ZNF436: variants seen among roughly 807,000 people sequenced by gnomAD.
ZNF436 encodes zinc finger protein 436, also known as DNA-binding protein.
A neutral mutation model predicts 41.9 loss-of-function variants in ZNF436; 22 were observed. The observed-to-expected ratio is 0.53, with a 90% CI of 0.38 to 0.75. The LOEUF (loss-of-function observed/expected upper bound fraction) is 0.75. ZNF436 is among the 30% of genes least tolerant of loss of function. The probability of loss-of-function intolerance (pLI) is 0.00; values close to 1 mark genes in which losing one functional copy is unlikely to be tolerated. For missense variants in ZNF436, 506 were observed against 587.3 expected, an observed-to-expected ratio of 0.86 and a Z score of 1.43; for synonymous variants, 217 against 197.8, an observed-to-expected ratio of 1.10 and a Z score of -0.82.
At chr1:23,364,848 G>A (rs972506259) in intron 3 of ZNF436, among the ~76,000 whole-genome samples, 3 of 152,154 alleles carry the variant, frequency 2.0e-5, no homozygotes, top group African/African-American at 4.8e-5. Context: ...ATGTATTTTG[G>A]GAGAAAAGGG....
At position 23,362,960 on chromosome 1, in the gene ZNF436, G is replaced by A; in HGVS notation, c.422C>T (p.Ser141Phe). The A allele has an allele frequency of 3.7e-6, 6 of 1,614,172 alleles. No individual in the cohort carries two copies. Among genetic ancestry groups the A allele is most frequent in the Non-Finnish European group, 5.1e-6 (6 of 1,180,032 alleles). ...VHTGIRYHIC[S>F]HCGKAFSQIS... Reference sequence around the variant, plus strand: ...CTGACTGAAGGCCTTTCCACAATGAGAACATATATGATAGCGGATGCCTGT... The same window carrying A: ...CTGACTGAAGGCCTTTCCACAATGAAAACATATATGATAGCGGATGCCTGT... Residue 141 changes from serine (S) to phenylalanine (F), a missense_variant, in exon 4 of 4, where the codon TCT becomes TTT. By Grantham distance (155) the Ser-to-Phe change is radical. Transcript: ENST00000314011.
rs764080644 is a variant in ZNF436 at position 23,368,045 on chromosome 1, A to T, written c.-40T>A. 1.1e-5 allele frequency: 17 copies of T among 1,612,616 alleles called. No homozygotes were observed. The highest frequency in any genetic ancestry group is 1.1e-5 in the Non-Finnish European group (13 of 1,179,034). On this transcript the variant is annotated 5_prime_UTR_variant, in exon 2 of 4. Transcript: ENST00000314011. ...TTCGCCTCCAGGGAGAGAGAGCAGG[A>T]AAAGCAGCTAGCAGACAGCGCTGAA...
intron 3 of ZNF436, 64 bp downstream of exon 3, chr1:23,366,978 A>G (rs752672025): frequency 8.9e-6 from 14 of 1,570,738 alleles, no homozygotes; most frequent in Non-Finnish European, 1.2e-5. Flanking sequence ...GTGTTGAAAG[A>G]ACTAAGTCAT....
In ZNF436 at chr1:23,362,074, ATG is replaced by A; in HGVS notation, c.1306_1307del (p.His436SerfsTer11). ...GFTQSSNLIT[H>X]QRVHTGEKPY... ...GTTTCTCTCCCGTGTGAACTCTTTG[ATG>A]TGTGATGAGGTTGGAGCTCTGGGTG... On this transcript the variant is annotated frameshift_variant, in exon 4 of 4. Transcript: ENST00000314011. LOFTEE classifies it high-confidence loss of function. 1 of 1,614,114 alleles carries A rather than the reference ATG, an allele frequency of 6.2e-7. No individual in the cohort carries two copies. The highest frequency in any genetic ancestry group is 8.5e-7 in the Non-Finnish European group (1 of 1,180,010).
At chr1:23,367,780 A>G (rs566882075) in intron 2 of ZNF436, among the ~76,000 whole-genome samples, 193 bp downstream of exon 2, 15 of 152,288 alleles carry the variant, frequency 9.8e-5, no homozygotes, top group Admixed American at 4.6e-4. Flanking sequence ...CCAGTATTTA[A>G]AGGCATACAG....
chr1:23,366,981 T>TA, intron 3 of ZNF436, 61 bp downstream of exon 3: 1 of 1,573,648 alleles, frequency 6.4e-7, no homozygotes. Context: ...TTGAAAGAAC[T>TA]AAGTCATTTT....
Position 23,361,509 on chromosome 1 carries a change from GTGCCC to G in ZNF436, c.*455_*459del. 6.5e-6 allele frequency: 1 copy of G among 154,380 alleles called. No homozygotes were observed. The highest frequency in any genetic ancestry group is 1.4e-5 in the Non-Finnish European group (1 of 69,326). The allele number at this position is 154,380 out of a possible 1,614,324, so 9.6% of individuals were successfully genotyped here. On this transcript the variant is annotated 3_prime_UTR_variant, in exon 4 of 4. Coordinates refer to ENST00000314011, the MANE Select transcript of ZNF436 (RefSeq NM_001077195.2). ...AAGCCCTTTGGAAGGGAAGATGTGT[GTGCCC>G]AACTACTATGGTGTGTGAATAGGTG... is the stretch of plus-strand genomic sequence containing the variant.
rs191045670 is a variant in ZNF436, at chr1:23,369,097, C to G, written c.-61+269G>C. On this transcript the variant is annotated intron_variant, in intron 1 of 3. Transcript: ENST00000314011. ...GAGCGGCGGGCTGAGTGGCGTCCAG[C>G]GGCGGGGAGGCGAAAACCCTGGGGG... 4.9e-3 allele frequency: 1,178 copies of G among 242,470 alleles called. 14 individuals are homozygous for G. The highest frequency in any genetic ancestry group is 0.024 in the African/African-American group (1,038 of 43,534). The allele number at this position is 242,470 out of a possible 1,614,324, so 15.0% of individuals were successfully genotyped here. A position where few individuals can be genotyped will look rare whatever the true frequency, so the allele number is the denominator to read the frequency against.
intron 1 of ZNF436, chr1:23,368,489 C>G (rs1037558457): frequency 6.3e-6 from 1 of 158,204 alleles, no homozygotes; most frequent in African/African-American, 2.4e-5. Flanking sequence ...GCCTCTAGTG[C>G]GCCTGTGCCT....
chr1:23,366,725 G>A (rs539670535), intron 3 of ZNF436, among the ~76,000 whole-genome samples: 4 of 152,298 alleles, frequency 2.6e-5, no homozygotes, highest in African/African-American at 7.2e-5. Flanking sequence ...CACTAGTTAC[G>A]GGGCATTTAT....
rs756056483 is a variant in ZNF436 at position 23,367,954 on chromosome 1, G to C, written c.33+19C>G. The C allele has an allele frequency of 6.2e-7, 1 of 1,613,978 alleles. No individual in the cohort carries two copies. Among genetic ancestry groups the C allele is most frequent in the Non-Finnish European group, 8.5e-7 (1 of 1,179,932 alleles). ...GTGGGTAAGCAGAGACAAGGTCTGAGAAGCCACCTCCGGCTTACCTGGGAC... is the reference window on the plus strand; with the variant it reads ...GTGGGTAAGCAGAGACAAGGTCTGACAAGCCACCTCCGGCTTACCTGGGAC... On this transcript the variant is annotated intron_variant, in intron 2 of 3. Transcript: ENST00000314011.
rs1193507600 is a variant in ZNF436 at position 23,359,594 on chromosome 1, T to A, written c.*2375A>T. ...ACAACCATAGAAAACAGGCACAAAGTGTTCACGGGATGTGCAGAGGCAGCC... is the reference window on the plus strand; with the variant it reads ...ACAACCATAGAAAACAGGCACAAAGAGTTCACGGGATGTGCAGAGGCAGCC... On this transcript the variant is annotated 3_prime_UTR_variant, in exon 4 of 4. Transcript: ENST00000314011. 1 of 152,564 alleles carries A rather than the reference T, an allele frequency of 6.6e-6. No individual in the cohort carries two copies. The highest frequency in any genetic ancestry group is 1.9e-4 in the East Asian group (1 of 5,198). The allele number at this position is 152,564 out of a possible 1,614,324, so 9.5% of individuals were successfully genotyped here.
Position 23,363,168 on chromosome 1 carries a change from C to G in ZNF436, c.214G>C (p.Asp72His). 1 of 1,614,040 alleles carries G rather than the reference C, an allele frequency of 6.2e-7. No homozygotes were observed. Among genetic ancestry groups the G allele is most frequent in the Non-Finnish European group, 8.5e-7 (1 of 1,180,024 alleles). Reference protein sequence around the residue: ...EVNPKQEISEDVQFGTTSERP... With the variant: ...EVNPKQEISEHVQFGTTSERP... ...TCAGATGTAGTCCCAAATTGTACATCTTCACTAATCTCTTGCTTGGGATTT... is the reference window on the plus strand; with the variant it reads ...TCAGATGTAGTCCCAAATTGTACATGTTCACTAATCTCTTGCTTGGGATTT... Residue 72 changes from aspartate to histidine, a missense_variant, in exon 4 of 4, where the codon GAT becomes CAT. By Grantham distance (81) the Asp-to-His change is moderately conservative. This residue lies in a region of ZNF436 where 228 missense variants were observed against 215.1 expected (regional missense o/e 1.06). Coordinates refer to ENST00000314011, the MANE Select transcript of ZNF436 (RefSeq NM_001077195.2).
chr1:23,363,139 T>A lies in ZNF436; in HGVS notation c.243A>T (p.Arg81Ser). ...GATTTTCCTCAGCATTCTCAGCAGG[T>A]CTTTCAGATGTAGTCCCAAATTGTA... ...EDVQFGTTSERPAENAEENPE... is the reference protein window; with the variant it reads ...EDVQFGTTSESPAENAEENPE... Residue 81 changes from arginine to serine, a missense_variant, in exon 4 of 4, where the codon AGA becomes AGT. Around this residue, in one of 2 missense-constraint regions of ZNF436, gnomAD observed 228 missense variants for 215.1 expected, o/e 1.06. Coordinates refer to ENST00000314011, the MANE Select transcript of ZNF436 (RefSeq NM_001077195.2). 6.2e-7 allele frequency: 1 copy of A among 1,614,216 alleles called. No homozygotes were observed. Among genetic ancestry groups the A allele is most frequent in the Non-Finnish European group, 8.5e-7 (1 of 1,180,048 alleles).
At position 23,362,446 on chromosome 1, in the gene ZNF436, C is replaced by T. The variant is rs747211713; in HGVS notation, c.936G>A (p.Gly312=). ...GERPYKCDEC[G]KNFSQNSDLV... ...GGTCGGAGTTCTGACTGAAATTCTT[C>T]CCACACTCATCACACTTGTAGGGCC... is the stretch of plus-strand genomic sequence containing the variant. The change falls in exon 4 of 4, where the codon GGG becomes GGA. Residue 312 remains glycine, a synonymous_variant. Coordinates refer to ENST00000314011, the MANE Select transcript of ZNF436 (RefSeq NM_001077195.2). 6 of 1,613,844 alleles carry T rather than the reference C, an allele frequency of 3.7e-6. No individual in the cohort carries two copies. In the African/African-American group the frequency reaches 6.7e-5, roughly 18 times the overall value.
At chr1:23,367,914 G>C (rs762804851) in intron 2 of ZNF436, 59 bp downstream of exon 2, 2 of 1,597,168 alleles carry the variant, frequency 1.3e-6, no homozygotes, top group Non-Finnish European at 1.7e-6. Context: ...GCAGAGCAGA[G>C]AAACGCCGGA....
Position 23,361,869 on chromosome 1 carries a change from G to C in ZNF436, c.*100C>G. 1 of 1,279,146 alleles carries C rather than the reference G, an allele frequency of 7.8e-7. No individual in the cohort carries two copies. The highest frequency in any genetic ancestry group is 1.5e-5 in the African/African-American group (1 of 67,322). The allele number at this position is 1,279,146 out of a possible 1,614,324, so 79.2% of individuals were successfully genotyped here. On this transcript the variant is annotated 3_prime_UTR_variant, in exon 4 of 4. Transcript: ENST00000314011. ...TGGTTTAAATCGTGGCCCACAACTA[G>C]GAGAGTATGATAAAAGCAGCTCAGT... is the stretch of plus-strand genomic sequence containing the variant.
At chr1:23,368,884 C>T (rs1449778815) in intron 1 of ZNF436, 1 of 153,934 alleles carries the variant, frequency 6.5e-6, no homozygotes, top group Non-Finnish European at 1.4e-5. Flanking sequence ...CGCCCACGCA[C>T]TACATCTCCC....
At chr1:23,368,324 G>C in intron 1 of ZNF436, 2 of 358,874 alleles carry the variant, frequency 5.6e-6, no homozygotes, top group Non-Finnish European at 1.0e-5. Context: ...TCAGGGAGGA[G>C]GTGCTCAGCT....
Sources: gnomAD v4.1 joint callset for allele counts (sites outside exome capture counted in the v4.1 genomes callset) on GRCh38, gnomAD v4.1.1 for gene constraint, gnomAD v4.1.1 regional missense constraint, MANE v1.5 for transcripts, NCBI Gene and HGNC (gene_info 2026-07-23, HGNC 2026-07-21) for gene names.